UNC13B: variants seen among roughly 807,000 people sequenced by gnomAD.
UNC13B encodes the protein protein unc-13 homolog B.
A neutral mutation model predicts 211.0 loss-of-function variants in UNC13B; 144 were observed. The ratio of observed to expected loss-of-function variants is 0.68; its 90% CI spans 0.60 to 0.78. UNC13B has a LOEUF of 0.78. Among genes scored for constraint, UNC13B ranks in the 30% least tolerant of loss-of-function variants. The pLI is 0.00. For synonymous variants in UNC13B, 709 were observed against 725.8 expected (o/e 0.98, Z 0.37); for missense variants, 1,777 against 2,002.0 (o/e 0.89, Z 2.14).
Position 35,399,253 on chromosome 9 carries a change from T to C in UNC13B, c.12167T>C (p.Met4056Thr). 6.2e-7 allele frequency: 1 copy of C among 1,614,128 alleles called. No homozygotes were observed. The highest frequency in any genetic ancestry group is 8.5e-7 in the Non-Finnish European group (1 of 1,180,016). ...GTGGTGATGAACACAATGGAGAGGA[T>C]GATTGTTCTGCCCCCACTCACTGAC... is the stretch of plus-strand genomic sequence containing the variant. ...WRVVMNTMER[M>T]IVLPPLTDQT... The change falls in exon 34 of 40, where the codon ATG becomes ACG. Residue 4056 changes from methionine (M) to threonine (T), a missense_variant. Coordinates refer to ENST00000635942, the MANE Select transcript of UNC13B (RefSeq NM_001371189.2).
At chr9:35,345,641 G>A (rs1441833879) in intron 11 of UNC13B, among the ~76,000 whole-genome samples, 2 of 152,202 alleles carry the variant, frequency 1.3e-5, no homozygotes, top group African/African-American at 4.8e-5. Flanking sequence ...CCTGACTTAT[G>A]TTTCGTCAAA....
intron 7 of UNC13B, among the ~76,000 whole-genome samples, chr9:35,262,560 C>T (rs148075746): frequency 0.017 from 2,566 of 152,082 alleles, 58 homozygotes; most frequent in African/African-American, 0.059. Flanking sequence ...TCCAGTGATC[C>T]GCCCACCTCA....
chr9:35,203,050 C>G (rs1177440227), intron 1 of UNC13B, among the ~76,000 whole-genome samples: 7 of 152,142 alleles, frequency 4.6e-5, no homozygotes, highest in Non-Finnish European at 1.0e-4. Context: ...CCTTGGCCTC[C>G]CAAAGTGCTG....
rs943247580 is a variant in UNC13B, at chr9:35,307,264, G to T, written c.7860G>T (p.Gly2620=). ...NTSSFSGDDT[G]QGVLSLSDEG... ...CTTCTTTCTCGGGTGATGATACTGG[G>T]CAAGGAGTATTGTCTCTGAGTGATG... The change falls in exon 9 of 40, where the codon GGG becomes GGT. Residue 2620 remains glycine, a synonymous_variant. Transcript: ENST00000635942. The T allele has an allele frequency of 2.5e-6, 1 of 398,850 alleles. No homozygotes were observed. The highest frequency in any genetic ancestry group is 2.1e-5 in the African/African-American group (1 of 48,626). The allele number at this position is 398,850 out of a possible 1,614,324, so 24.7% of individuals were successfully genotyped here.
At position 35,260,038 on chromosome 9, in the gene UNC13B, C is replaced by CAAAAA. The variant is rs61273217; in HGVS notation, c.526+1010_526+1014dup. On this transcript the variant is annotated intron_variant, in intron 7 of 39. Transcript: ENST00000635942. The stretch of plus-strand genomic sequence containing the variant: ...GCAACAAACAGATACCTCATTTCTA[C>CAAAAA]AAAAAAAAAAAAAAAAAAAAAAAAA... Among the ~76,000 whole-genome samples, 615 of 64,792 alleles carry CAAAAA rather than the reference C, an allele frequency of 9.5e-3. 143 individuals carry two copies. Among genetic ancestry groups the CAAAAA allele is most frequent in the Middle Eastern group, 0.036 (2 of 56 alleles). 42.5% of individuals were successfully genotyped at this position (64,792 alleles called of 152,430 possible).
intron 7 of UNC13B, among the ~76,000 whole-genome samples, chr9:35,275,155 G>T (rs2131697809): frequency 6.6e-6 from 1 of 152,098 alleles, no homozygotes; most frequent in Non-Finnish European, 1.5e-5. Flanking sequence ...CTCCCAACCA[G>T]TTATCTTTTT....
intron 1 of UNC13B, among the ~76,000 whole-genome samples, chr9:35,177,213 C>A (rs904636291): frequency 7.2e-5 from 11 of 152,234 alleles, no homozygotes; most frequent in African/African-American, 2.6e-4. Flanking sequence ...TCTCTTCAAC[C>A]CAGGGGCGGA....
intron 6 of UNC13B, among the ~76,000 whole-genome samples, chr9:35,243,898 G>A (rs1051768115): frequency 2.0e-5 from 3 of 152,106 alleles, no homozygotes; most frequent in African/African-American, 7.2e-5. Flanking sequence ...TTTTGGACAT[G>A]TGGGCTACTA....
intron 7 of UNC13B, among the ~76,000 whole-genome samples, chr9:35,281,308 C>T (rs917270413): frequency 6.7e-6 from 1 of 149,934 alleles, no homozygotes; most frequent in African/African-American, 2.5e-5. Flanking sequence ...CGCAGCTACT[C>T]GAGAGGCAGA....
At chr9:35,171,147 G>T (rs1304673484) in intron 1 of UNC13B, among the ~76,000 whole-genome samples, 1 of 149,570 alleles carries the variant, frequency 6.7e-6, no homozygotes, top group African/African-American at 2.5e-5. Flanking sequence ...TTTTACCCCG[G>T]CTGGAATGCA....
chr9:35,399,272 C>G lies in UNC13B; in HGVS notation c.12186C>G (p.Leu4062=). 6.2e-7 allele frequency: 1 copy of G among 1,614,168 alleles called. No homozygotes were observed. Among genetic ancestry groups the G allele is most frequent in the East Asian group, 2.2e-5 (1 of 44,882 alleles). Residue 4062 remains leucine, a synonymous_variant, in exon 34 of 40, where the codon CTC becomes CTG. Coordinates refer to ENST00000635942, the MANE Select transcript of UNC13B (RefSeq NM_001371189.2). The part of the protein sequence containing the change: ...TMERMIVLPP[L]TDQTGTQLIF... ...AGAGGATGATTGTTCTGCCCCCACT[C>G]ACTGACCAGACGGTAAGGACACCTC...
intron 6 of UNC13B, among the ~76,000 whole-genome samples, chr9:35,255,391 C>G (rs989362690): frequency 6.6e-6 from 1 of 151,822 alleles, no homozygotes; most frequent in Non-Finnish European, 1.5e-5. Flanking sequence ...TGTGTGCTGC[C>G]TATTCAGAGC....
chr9:35,342,691 C>T (rs1832079652), intron 11 of UNC13B, among the ~76,000 whole-genome samples: 1 of 152,154 alleles, frequency 6.6e-6, no homozygotes, highest in Admixed American at 6.5e-5. Context: ...AATGACCTGT[C>T]CATTCCTCTC....
At chr9:35,341,818 TG>T in intron 11 of UNC13B, 2 of 537,616 alleles carry the variant, frequency 3.7e-6, no homozygotes, top group Non-Finnish European at 4.8e-6. Flanking sequence ...TGGTGCCCTA[TG>T]GGAGGTTGCA....
At chr9:35,359,936 TCTCA>T (rs1279539417) in intron 11 of UNC13B, among the ~76,000 whole-genome samples, 1 of 152,190 alleles carries the variant, frequency 6.6e-6, no homozygotes, top group Non-Finnish European at 1.5e-5. Flanking sequence ...TGATTTCCTG[TCTCA>T]CTCAGAATGG....
At position 35,305,263 on chromosome 9, in the gene UNC13B, A is replaced by G. The variant is rs952057852; in HGVS notation, c.5859A>G (p.Gly1953=). 1 of 398,998 alleles carries G rather than the reference A, an allele frequency of 2.5e-6. No individual in the cohort carries two copies. The allele number at this position is 398,998 out of a possible 1,614,324, so 24.7% of individuals were successfully genotyped here. A position where few individuals can be genotyped will look rare whatever the true frequency, so the allele number is the denominator to read the frequency against. ...NLFKTQVNKE[G]SPNLEKIGDT... ...TTAAGACTCAGGTGAATAAAGAAGG[A>G]TCACCAAACTTAGAAAAGATTGGTG... is the stretch of plus-strand genomic sequence containing the variant. The change falls in exon 9 of 40, where the codon GGA becomes GGG. Residue 1953 remains glycine (G), a synonymous_variant. Coordinates refer to ENST00000635942, the MANE Select transcript of UNC13B (RefSeq NM_001371189.2).
chr9:35,254,953 TA>T (rs1826748034), intron 6 of UNC13B, among the ~76,000 whole-genome samples: 1 of 116,160 alleles, frequency 8.6e-6, no homozygotes, highest in Non-Finnish European at 1.7e-5. Context: ...TATATGTATA[TA>T]ATATAATATA....
At chr9:35,329,687 C>G (rs1033626822) in intron 11 of UNC13B, among the ~76,000 whole-genome samples, 1 of 152,068 alleles carries the variant, frequency 6.6e-6, no homozygotes, top group Non-Finnish European at 1.5e-5. Context: ...TGGGGTTTCT[C>G]TATGTTGCCC....
At chr9:35,384,131 C>T (rs978802161) in intron 21 of UNC13B, 115 bp from the exon 22 acceptor site, 3 of 1,511,370 alleles carry the variant, frequency 2.0e-6, no homozygotes, top group Middle Eastern at 1.8e-4. Context: ...TGTCTCCAAC[C>T]CAATGCCTCC....
Sources: allele counts gnomAD v4.1 joint callset (sites outside exome capture counted in the v4.1 genomes callset), GRCh38; gene constraint gnomAD v4.1.1; transcripts MANE v1.5; gene names NCBI Gene and HGNC (gene_info 2026-07-23, HGNC 2026-07-21).